Variants in CMTM4 observed in about 807,000 individuals in gnomAD.
CMTM4 encodes CKLF-like MARVEL transmembrane domain-containing protein 4.
CMTM4 carries 8 observed loss-of-function variants against 19.0 expected under a neutral mutation model. The ratio of observed to expected loss-of-function variants is 0.42; its 90% confidence interval spans 0.25 to 0.76. The LOEUF (loss-of-function observed/expected upper bound fraction) is 0.76, where lower values mean the gene tolerates loss of function less well. CMTM4 is among the 30% of genes least tolerant of loss of function. The pLI is 0.27. For synonymous variants in CMTM4, 106 were observed against 121.1 expected, an observed-to-expected ratio of 0.88 and a Z score of 0.82; for missense variants, 228 against 290.2, an observed-to-expected ratio of 0.79 and a Z score of 1.56.
At position 66,696,689 on chromosome 16, in the gene CMTM4, G is replaced by T; in HGVS notation, c.-164C>A. 1 of 202,334 alleles carries T rather than the reference G, an allele frequency of 4.9e-6. No individual in the cohort carries two copies. 12.5% of individuals were successfully genotyped at this position (202,334 alleles called of 1,614,324 possible). ...CGCCTCTCGCCCGCCGCCCGGCTGC[G>T]GCTGCGGCTCGGTCCGCTCGGGCTC... On this transcript the variant is annotated 5_prime_UTR_variant, in exon 1 of 4. Transcript: ENST00000394106. This position sits in a 1 kb window ranked among gnomAD's most constrained non-coding sequence, Gnocchi z 4.3.
chr16:66,669,708 A>AT (rs796294713), intron 1 of CMTM4, among the ~76,000 whole-genome samples: 117 of 151,242 alleles, frequency 7.7e-4, no homozygotes, highest in Admixed American at 3.0e-3. Flanking sequence ...TGCCTGGCTA[A>AT]TTTTTTTTTG....
At position 66,617,732 on chromosome 16, in the gene CMTM4, G is replaced by T; in HGVS notation, c.*4326C>A. ...GAAGTTTACAAAGCTAAAAGCTGAG[G>T]GTGTCAGGCCTGCGTCCTGTCTGAG... On this transcript the variant is annotated 3_prime_UTR_variant, in exon 4 of 4. Transcript: ENST00000394106. 4.8e-6 allele frequency: 5 copies of T among 1,036,198 alleles called. No individual in the cohort carries two copies. Among genetic ancestry groups the T allele is most frequent in the Non-Finnish European group, 5.8e-6 (5 of 861,718 alleles). The allele number at this position is 1,036,198 out of a possible 1,614,324, so 64.2% of individuals were successfully genotyped here.
At chr16:66,676,642 A>T (rs1206831409) in intron 1 of CMTM4, among the ~76,000 whole-genome samples, 1 of 152,130 alleles carries the variant, frequency 6.6e-6, no homozygotes, top group Non-Finnish European at 1.5e-5. Flanking sequence ...TTCGTTATTG[A>T]TTTATATCAT....
At chr16:66,679,232 C>G (rs973309614) in intron 1 of CMTM4, among the ~76,000 whole-genome samples, 4 of 152,116 alleles carry the variant, frequency 2.6e-5, no homozygotes, top group Non-Finnish European at 5.9e-5. Context: ...ACCCCAAACA[C>G]TTTGAAGTCT....
At position 66,659,817 on chromosome 16, in the gene CMTM4, G is replaced by A. The variant is rs1596941146; in HGVS notation, c.187-23236C>T. On this transcript the variant is annotated intron_variant, in intron 1 of 3. Coordinates refer to ENST00000394106, the MANE Select transcript of CMTM4 (RefSeq NM_181521.3). ...GTTGATTAAACAAAAATGCAAAATG[G>A]TGATAACTGTAAAAGCTGGATAAAA... 4.6e-5 allele frequency among the ~76,000 whole-genome samples: 7 copies of A among 152,228 alleles called. No homozygotes were observed. The South Asian group carries it at 1.2e-3, about 27-fold the overall frequency.
At chr16:66,648,581 C>T (rs2016249900) in intron 1 of CMTM4, among the ~76,000 whole-genome samples, 1 of 151,860 alleles carries the variant, frequency 6.6e-6, no homozygotes, top group African/African-American at 2.4e-5. Context: ...TCGCTTGAAC[C>T]CGGGAGGCGG....
At chr16:66,627,596 A>C (rs554362381) in intron 2 of CMTM4, among the ~76,000 whole-genome samples, 2 of 152,268 alleles carry the variant, frequency 1.3e-5, no homozygotes, top group African/African-American at 4.8e-5. Flanking sequence ...GCAACCACCA[A>C]TCTGCTTTCT....
Position 66,696,630 on chromosome 16 carries a change from C to CCG in CMTM4, c.-106_-105insCG. 1.6e-6 allele frequency: 1 copy of CCG among 612,360 alleles called. No homozygotes were observed. Among genetic ancestry groups the CCG allele is most frequent in the Non-Finnish European group, 2.0e-6 (1 of 492,814 alleles). The allele number at this position is 612,360 out of a possible 1,614,324, so 37.9% of individuals were successfully genotyped here. The stretch of plus-strand genomic sequence containing the variant: ...GCCGCCGCCGCCGCCGCCGCCGCCG[C>CCG]CCGACTGACTGCCCGCGGCCCGCCC... On this transcript the variant is annotated 5_prime_UTR_variant, in exon 1 of 4. Transcript: ENST00000394106. This position sits in a 1 kb window ranked among gnomAD's most constrained non-coding sequence, Gnocchi z 4.3.
At chr16:66,610,616 C>A (rs1463133420), downstream of CMTM4, among the ~76,000 whole-genome samples, 1 of 152,050 alleles carries the variant, frequency 6.6e-6, no homozygotes, top group African/African-American at 2.4e-5. This position sits in a 1 kb window ranked among gnomAD's most constrained non-coding sequence, Gnocchi z 4.6. Context: ...AGTGTGCAGG[C>A]AGAAGAGACC....
At chr16:66,654,183 G>A (rs1215367921) in intron 1 of CMTM4, among the ~76,000 whole-genome samples, 2 of 152,100 alleles carry the variant, frequency 1.3e-5, no homozygotes, top group Non-Finnish European at 2.9e-5. Context: ...GGAAGAACAT[G>A]GTTTTTAATC....
intron 1 of CMTM4, among the ~76,000 whole-genome samples, chr16:66,672,599 C>T (rs2144884054): frequency 6.6e-6 from 1 of 151,474 alleles, no homozygotes; most frequent in East Asian, 1.9e-4. Flanking sequence ...TTTATTATTC[C>T]TCTGATTCTT....
At chr16:66,606,652 C>G in the CMTM4 span, among the ~76,000 whole-genome samples, 1 of 152,168 alleles carries the variant, frequency 6.6e-6, no homozygotes, top group African/African-American at 2.4e-5. Flanking sequence ...GTGACAGAAA[C>G]CAGGGACAGA....
Position 66,621,827 on chromosome 16 carries a change from T to C in CMTM4, c.*231A>G, listed in dbSNP as rs2015641313. The C allele has an allele frequency of 7.3e-7, 1 of 1,373,084 alleles. No homozygotes were observed. The highest frequency in any genetic ancestry group is 9.4e-7 in the Non-Finnish European group (1 of 1,061,576). 85.1% of individuals were successfully genotyped at this position (1,373,084 alleles called of 1,614,324 possible). On this transcript the variant is annotated 3_prime_UTR_variant, in exon 4 of 4. Coordinates refer to ENST00000394106, the MANE Select transcript of CMTM4 (RefSeq NM_181521.3). Reference sequence around the variant, plus strand: ...GGGCAGGTAAGACCTCAAGTGGACCTGGGCAGTGACGCCGGCTGCTCCACA... The same window carrying C: ...GGGCAGGTAAGACCTCAAGTGGACCCGGGCAGTGACGCCGGCTGCTCCACA...
downstream of CMTM4, chr16:66,612,999 CG>C (rs1334683400): frequency 1.4e-6 from 1 of 700,584 alleles, no homozygotes; most frequent in South Asian, 1.5e-5. This position sits in a 1 kb window ranked among gnomAD's most constrained non-coding sequence, Gnocchi z 6.0. Flanking sequence ...TGGCGGGGGT[CG>C]GGGGTCTTCT....
In CMTM4 at chr16:66,621,311, TG is replaced by T. The variant is rs2015630598; in HGVS notation, c.*746del. 1.0e-6 allele frequency: 1 copy of T among 985,526 alleles called. No homozygotes were observed. Among genetic ancestry groups the T allele is most frequent in the Admixed American group, 6.1e-5 (1 of 16,266 alleles). The allele number at this position is 985,526 out of a possible 1,614,324, so 61.0% of individuals were successfully genotyped here. A position where few individuals can be genotyped will look rare whatever the true frequency, so the allele number is the denominator to read the frequency against. Reference sequence around the variant, plus strand: ...TGAGAAGGTAAAATGACTGAAAATCTGCAATTCAGCCTCAAAGTATTTAGGG... The same window carrying T: ...TGAGAAGGTAAAATGACTGAAAATCTCAATTCAGCCTCAAAGTATTTAGGG... On this transcript the variant is annotated 3_prime_UTR_variant, in exon 4 of 4. Transcript: ENST00000394106.
chr16:66,695,900 G>C (rs970457037), intron 1 of CMTM4, among the ~76,000 whole-genome samples: 2 of 152,220 alleles, frequency 1.3e-5, no homozygotes, highest in Admixed American at 6.5e-5. Flanking sequence ...TAGACATCAA[G>C]TGGGAACCAA....
chr16:66,635,106 G>C (rs2015965900), intron 2 of CMTM4, among the ~76,000 whole-genome samples: 1 of 152,092 alleles, frequency 6.6e-6, no homozygotes, highest in African/African-American at 2.4e-5. Flanking sequence ...TTTAACTGGG[G>C]GAGGTTTGCA....
In CMTM4 at chr16:66,621,982, C is replaced by G; in HGVS notation, c.*76G>C. On this transcript the variant is annotated 3_prime_UTR_variant, in exon 4 of 4. Transcript: ENST00000394106. ...AAATTCAACTGAATCACATGGAAATCTGACAGGACAAGGGAAAGAAAACTT... is the reference window on the plus strand; with the variant it reads ...AAATTCAACTGAATCACATGGAAATGTGACAGGACAAGGGAAAGAAAACTT... The G allele has an allele frequency of 2.0e-6, 3 of 1,488,998 alleles. No individual in the cohort carries two copies. In the South Asian group the frequency reaches 3.9e-5, roughly 19 times the overall value. 92.2% of individuals were successfully genotyped at this position (1,488,998 alleles called of 1,614,324 possible).
At chr16:66,630,556 T>C (rs2144797860) in intron 2 of CMTM4, among the ~76,000 whole-genome samples, 1 of 151,960 alleles carries the variant, frequency 6.6e-6, no homozygotes, top group East Asian at 2.0e-4. Context: ...GCCGGGCTGG[T>C]CTCCAGCTCC....
Sources: gnomAD v4.1 joint callset for allele counts (sites outside exome capture counted in the v4.1 genomes callset) on GRCh38, gnomAD v4.1.1 for gene constraint, Gnocchi (gnomAD v3.1) non-coding constraint, MANE v1.5 for transcripts, NCBI Gene and HGNC (gene_info 2026-07-23, HGNC 2026-07-21) for gene names.